The following CNTNAP2 variants were observed in gnomAD, a reference collection of about 807,000 sequenced individuals.
CNTNAP2 encodes the protein contactin associated protein 2.
Under a neutral mutation model 155.2 loss-of-function variants are expected in CNTNAP2, and 98 were observed. That is an observed-to-expected ratio of 0.63 (90% CI 0.54 to 0.75). CNTNAP2 has a LOEUF of 0.75. Ranked by LOEUF, CNTNAP2 falls within the 30% of genes least tolerant of loss-of-function variation. The probability of loss-of-function intolerance (pLI) is 0.00; values close to 1 mark genes in which losing one functional copy is unlikely to be tolerated. For synonymous variants in CNTNAP2, 651 were observed against 631.2 expected (o/e 1.03, Z -0.47); for missense variants, 1,727 against 1,688.1 (o/e 1.02, Z -0.40).
chr7:147,056,051 T>A (rs1799555566), intron 4 of CNTNAP2, among the ~76,000 whole-genome samples: 1 of 152,210 alleles, frequency 6.6e-6, no homozygotes, highest in Non-Finnish European at 1.5e-5. Flanking sequence ...TTGTGTAAAT[T>A]TGATTTAACA....
At position 146,451,855 on chromosome 7, in the gene CNTNAP2, CTA is replaced by C. The variant is rs1256111124; in HGVS notation, c.98-322403_98-322402del. On this transcript the variant is annotated intron_variant, in intron 1 of 23. Coordinates refer to ENST00000361727, the MANE Select transcript of CNTNAP2 (RefSeq NM_014141.6). The stretch of plus-strand genomic sequence containing the variant: ...ATATACATATATATATACACGTATT[CTA>C]TATATATATATACGTATATATACAC... Among the ~76,000 whole-genome samples the C allele has an allele frequency of 4.7e-4, 62 of 131,436 alleles. 2 individuals carry two copies. The highest frequency in any genetic ancestry group is 1.4e-3 in the African/African-American group (46 of 33,008). 86.2% of individuals were successfully genotyped at this position (131,436 alleles called of 152,430 possible). A position where few individuals can be genotyped will look rare whatever the true frequency, so the allele number is the denominator to read the frequency against.
At chr7:147,515,975 A>G (rs1449691518) in intron 11 of CNTNAP2, among the ~76,000 whole-genome samples, 1 of 145,244 alleles carries the variant, frequency 6.9e-6, no homozygotes, top group South Asian at 2.2e-4. Flanking sequence ...AAAGGTAAAA[A>G]CCAAAGTAAA....
chr7:147,471,488 A>T (rs11982446), intron 10 of CNTNAP2, among the ~76,000 whole-genome samples: 1 of 151,986 alleles, frequency 6.6e-6, no homozygotes, highest in Non-Finnish European at 1.5e-5. Context: ...TAAGTGGGGC[A>T]GTGGTATTGA....
intron 1 of CNTNAP2, among the ~76,000 whole-genome samples, chr7:146,569,534 A>T (rs1798409974): frequency 6.6e-6 from 1 of 152,330 alleles, no homozygotes; most frequent in African/African-American, 2.4e-5. Flanking sequence ...AAAGTAAGTT[A>T]ATCCTTTCCA....
intron 15 of CNTNAP2, among the ~76,000 whole-genome samples, chr7:148,039,754 G>T (rs903005273): frequency 2.6e-5 from 4 of 152,128 alleles, no homozygotes; most frequent in African/African-American, 9.7e-5. Context: ...TGCATGCATT[G>T]GCTCCATGGT....
At chr7:146,874,102 G>C (rs190987677) in intron 3 of CNTNAP2, among the ~76,000 whole-genome samples, 1 of 151,958 alleles carries the variant, frequency 6.6e-6, no homozygotes, top group South Asian at 2.1e-4. Context: ...TTAAATTCTC[G>C]GGAGAAGTGA....
chr7:147,661,853 T>G (rs764294605), intron 13 of CNTNAP2, among the ~76,000 whole-genome samples: 40 of 152,086 alleles, frequency 2.6e-4, no homozygotes, highest in Non-Finnish European at 5.9e-4. Flanking sequence ...GCCTGGCCCA[T>G]TGCTTCTTGA....
chr7:146,445,147 C>T (rs1336450237), intron 1 of CNTNAP2, among the ~76,000 whole-genome samples: 1 of 152,142 alleles, frequency 6.6e-6, no homozygotes, highest in African/African-American at 2.4e-5. Context: ...GAAATAAAAC[C>T]AGGCTATGTT....
intron 1 of CNTNAP2, among the ~76,000 whole-genome samples, chr7:146,175,692 A>T (rs182591390): frequency 1.1e-3 from 165 of 152,364 alleles, no homozygotes; most frequent in African/African-American, 3.6e-3. Flanking sequence ...TTCGATTTAT[A>T]TGAATAAATA....
chr7:147,893,175 T>G (rs1308495303), intron 13 of CNTNAP2, among the ~76,000 whole-genome samples: 2 of 152,186 alleles, frequency 1.3e-5, no homozygotes, highest in African/African-American at 4.8e-5. Context: ...AAATCATAGG[T>G]AAGTTGAGAT....
In CNTNAP2 at chr7:147,617,672, C is replaced by T. The variant is rs1035651718; in HGVS notation, c.1898-21434C>T. Among the ~76,000 whole-genome samples the T allele has an allele frequency of 9.2e-5, 14 of 152,190 alleles. No individual in the cohort carries two copies. The South Asian group carries it at 1.7e-3, about 18-fold the overall frequency. ...GCAGGGTAGTAAGGTAAAAACAGCA[C>T]GCAACCCAGAATTAGGAAAACACAT... On this transcript the variant is annotated intron_variant, in intron 12 of 23. Transcript: ENST00000361727.
At chr7:147,145,422 C>T (rs986502347) in intron 8 of CNTNAP2, among the ~76,000 whole-genome samples, 4 of 152,014 alleles carry the variant, frequency 2.6e-5, no homozygotes, top group East Asian at 1.9e-4. Context: ...AGGACAATAC[C>T]TACCCACCTG....
At chr7:147,696,634 T>A (rs1315459380) in intron 13 of CNTNAP2, among the ~76,000 whole-genome samples, 1 of 152,102 alleles carries the variant, frequency 6.6e-6, no homozygotes, top group Admixed American at 6.6e-5. Flanking sequence ...CTGACCTATA[T>A]CATTTTTGTT....
intron 15 of CNTNAP2, among the ~76,000 whole-genome samples, chr7:148,114,805 C>T (rs1345491352): frequency 6.6e-6 from 1 of 152,148 alleles, no homozygotes; most frequent in Admixed American, 6.5e-5. Flanking sequence ...TAAAGTATAA[C>T]TAAAATCGAT....
intron 10 of CNTNAP2, among the ~76,000 whole-genome samples, chr7:147,461,017 T>C (rs1798013485): frequency 6.6e-6 from 1 of 152,202 alleles, no homozygotes; most frequent in Admixed American, 6.5e-5. Flanking sequence ...ACCTCAATCA[T>C]GACAAACCAG....
intron 21 of CNTNAP2, among the ~76,000 whole-genome samples, chr7:148,285,897 C>T (rs1186524803): frequency 7.2e-5 from 11 of 152,084 alleles, no homozygotes; most frequent in Admixed American, 7.2e-4. Flanking sequence ...AAACTTACTG[C>T]CAATAGCTTA....
At position 146,387,049 on chromosome 7, in the gene CNTNAP2, C is replaced by G. The variant is rs181406644; in HGVS notation, c.97+270076C>G. Among the ~76,000 whole-genome samples the G allele has an allele frequency of 2.6e-5, 4 of 152,232 alleles. No homozygotes were observed. The East Asian group carries it at 7.7e-4, about 29-fold the overall frequency. ...CAAACCCCAAATCACAGTCCCCACC[C>G]CTACCCTATAAAAAGCACTCCCAAG... On this transcript the variant is annotated intron_variant, in intron 1 of 23. Transcript: ENST00000361727.
intron 1 of CNTNAP2, among the ~76,000 whole-genome samples, chr7:146,559,228 T>C (rs1798244577): frequency 6.6e-6 from 1 of 151,966 alleles, no homozygotes; most frequent in Admixed American, 6.6e-5. Flanking sequence ...CACACACACA[T>C]ATATATCACA....
At chr7:146,993,471 T>G (rs1192266008) in intron 3 of CNTNAP2, among the ~76,000 whole-genome samples, 2 of 152,172 alleles carry the variant, frequency 1.3e-5, no homozygotes, top group Non-Finnish European at 2.9e-5. Flanking sequence ...GCTGATTGCA[T>G]CACCAGTTTC....
Sources: allele counts gnomAD v4.1 joint callset (sites outside exome capture counted in the v4.1 genomes callset), GRCh38; gene constraint gnomAD v4.1.1; transcripts MANE v1.5; gene names NCBI Gene and HGNC (gene_info 2026-07-23, HGNC 2026-07-21).